MLLT10: variants seen among roughly 807,000 people sequenced by gnomAD.
MLLT10 encodes the protein protein AF-10.
MLLT10 carries 30 observed loss-of-function variants against 129.1 expected under a neutral mutation model. The ratio of observed to expected loss-of-function variants is 0.23; its 90% CI spans 0.17 to 0.32. The LOEUF (loss-of-function observed/expected upper bound fraction) is 0.32. Ranked by LOEUF, MLLT10 falls within the 10% of genes least tolerant of loss-of-function variation. The pLI is 1.00. For synonymous variants in MLLT10, 490 were observed against 446.4 expected (o/e 1.10, Z -1.23); for missense variants, 1,119 against 1,268.3 (o/e 0.88, Z 1.79).
chr10:21,660,240 T>C (rs1224985376), intron 9 of MLLT10, among the ~76,000 whole-genome samples: 2 of 151,732 alleles, frequency 1.3e-5, no homozygotes, highest in African/African-American at 4.8e-5. Context: ...AGTGCTGGGA[T>C]TACAGGCGTG....
intron 4 of MLLT10, among the ~76,000 whole-genome samples, chr10:21,592,156 T>G (rs1452535937): frequency 1.3e-5 from 2 of 152,222 alleles, no homozygotes; most frequent in African/African-American, 2.4e-5. Context: ...TAATATTTAA[T>G]GTAAGTGGTC....
intron 3 of MLLT10, among the ~76,000 whole-genome samples, chr10:21,559,491 C>T (rs529991103): frequency 6.6e-6 from 1 of 152,236 alleles, no homozygotes; most frequent in East Asian, 1.9e-4. Context: ...CAAAATATAC[C>T]ATTTTAACCA....
At chr10:21,635,027 T>C (rs546973873) in intron 8 of MLLT10, among the ~76,000 whole-genome samples, 1 of 152,348 alleles carries the variant, frequency 6.6e-6, no homozygotes, top group South Asian at 2.1e-4. Context: ...GCATATCTAC[T>C]TGGAGTGTGT....
At chr10:21,683,346 A>G (rs542098320) in intron 13 of MLLT10, among the ~76,000 whole-genome samples, 1 of 152,322 alleles carries the variant, frequency 6.6e-6, no homozygotes, top group East Asian at 1.9e-4. Flanking sequence ...GTCCCTCAAC[A>G]CTAGGTATCT....
At chr10:21,595,944 C>T (rs1298487189) in intron 5 of MLLT10, among the ~76,000 whole-genome samples, 2 of 151,608 alleles carry the variant, frequency 1.3e-5, no homozygotes, top group African/African-American at 4.8e-5. Context: ...TATTTTTCTT[C>T]ATTTAGTACA....
chr10:21,727,909 C>CGAGGAA lies in MLLT10; in HGVS notation c.2046_2051dup (p.Arg682_Gly683dup). ...CCTAGTTGGCAGAGGAAGCTCACCC[C>CGAGGAA]GAGGAAGTCTCTCGCCACGGTAAGC... On this transcript the variant is annotated inframe_insertion, in exon 16 of 23. Transcript: ENST00000307729. 1 of 1,613,916 alleles carries CGAGGAA rather than the reference C, an allele frequency of 6.2e-7. No individual in the cohort carries two copies. The highest frequency in any genetic ancestry group is 8.5e-7 in the Non-Finnish European group (1 of 1,179,946).
chr10:21,579,560 A>T, intron 3 of MLLT10, among the ~76,000 whole-genome samples: 1 of 144,282 alleles, frequency 6.9e-6, no homozygotes, highest in South Asian at 2.2e-4. Context: ...CTTTCAGATT[A>T]GATTCTTTTT....
intron 4 of MLLT10, among the ~76,000 whole-genome samples, chr10:21,590,614 C>T (rs2042403194): frequency 6.6e-6 from 1 of 152,168 alleles, no homozygotes; most frequent in African/African-American, 2.4e-5. Flanking sequence ...GCTAGGATTA[C>T]AGGCGGGAGC....
intron 3 of MLLT10, among the ~76,000 whole-genome samples, chr10:21,580,773 C>T (rs1325983016): frequency 1.3e-5 from 2 of 151,512 alleles, no homozygotes; most frequent in African/African-American, 4.9e-5. Flanking sequence ...GCGATCTTGA[C>T]TCACTGAAAC....
chr10:21,602,527 A>T (rs1249912838), intron 5 of MLLT10, among the ~76,000 whole-genome samples: 1 of 152,106 alleles, frequency 6.6e-6, no homozygotes, highest in Non-Finnish European at 1.5e-5. Context: ...TTAGTTGCAA[A>T]AAGTCTGAGT....
At chr10:21,643,941 T>A (rs1468595524) in intron 8 of MLLT10, among the ~76,000 whole-genome samples, 3 of 152,236 alleles carry the variant, frequency 2.0e-5, no homozygotes, top group Non-Finnish European at 4.4e-5. Flanking sequence ...AGTATCTTTT[T>A]TAAAATTTGC....
chr10:21,537,398 T>C (rs566180664), intron 2 of MLLT10, among the ~76,000 whole-genome samples: 1 of 151,686 alleles, frequency 6.6e-6, no homozygotes, highest in South Asian at 2.1e-4. Context: ...CCCGGGTTCA[T>C]GTGATTCTCC....
At chr10:21,735,670 G>A (rs1487802279) in intron 21 of MLLT10, among the ~76,000 whole-genome samples, 1 of 152,220 alleles carries the variant, frequency 6.6e-6, no homozygotes, top group Admixed American at 6.5e-5. Context: ...ACAGACCGAT[G>A]TGAGAGTTCA....
chr10:21,592,247 CTT>C (rs1174531624), intron 4 of MLLT10, among the ~76,000 whole-genome samples: 4 of 152,120 alleles, frequency 2.6e-5, no homozygotes, highest in African/African-American at 4.8e-5. Context: ...GTTTATCACT[CTT>C]TATATTTTTC....
At chr10:21,598,396 C>G (rs573391151) in intron 5 of MLLT10, among the ~76,000 whole-genome samples, 1 of 152,164 alleles carries the variant, frequency 6.6e-6, no homozygotes, top group African/African-American at 2.4e-5. Flanking sequence ...TGCTGTAGTT[C>G]TGAAATCACC....
chr10:21,575,129 T>G (rs2040600656), intron 3 of MLLT10, among the ~76,000 whole-genome samples: 1 of 152,156 alleles, frequency 6.6e-6, no homozygotes, highest in Non-Finnish European at 1.5e-5. Context: ...TCTACTTACT[T>G]TGGGTTTACT....
intron 4 of MLLT10, among the ~76,000 whole-genome samples, chr10:21,586,933 GA>G (rs2042044282): frequency 6.6e-6 from 1 of 151,648 alleles, no homozygotes; most frequent in Admixed American, 6.6e-5. Flanking sequence ...CTTATGTTAG[GA>G]ATTTTTTTTT....
intron 13 of MLLT10, chr10:21,688,674 T>C: frequency 3.2e-6 from 2 of 622,430 alleles, no homozygotes; most frequent in Non-Finnish European, 5.3e-6. Context: ...AAAGGAATTA[T>C]CTATAACCTT....
intron 3 of MLLT10, among the ~76,000 whole-genome samples, 190 bp from the exon 4 acceptor site, chr10:21,586,104 A>G (rs1275384904): frequency 6.6e-6 from 1 of 152,180 alleles, no homozygotes; most frequent in Non-Finnish European, 1.5e-5. Context: ...TAAAAAAATT[A>G]CTTGTCCTCT....
Sources: gnomAD v4.1 joint callset for allele counts (sites outside exome capture counted in the v4.1 genomes callset) on GRCh38, gnomAD v4.1.1 for gene constraint, MANE v1.5 for transcripts, NCBI Gene and HGNC (gene_info 2026-07-23, HGNC 2026-07-21) for gene names.